STK24: variants seen among roughly 807,000 people sequenced by gnomAD.
STK24 encodes serine/threonine kinase 24.
A neutral mutation model predicts 55.6 loss-of-function variants in STK24; 21 were observed. The observed-to-expected ratio is 0.38, with a 90% confidence interval of 0.27 to 0.54. The LOEUF is 0.54. Ranked by LOEUF, STK24 falls within the 20% of genes least tolerant of loss-of-function variation. The pLI is 0.79. For missense variants in STK24, 383 were observed against 538.4 expected, an observed-to-expected ratio of 0.71 and a Z score of 2.86; for synonymous variants, 200 against 215.2, an observed-to-expected ratio of 0.93 and a Z score of 0.62.
In STK24 at chr13:98,476,918, G is replaced by A. The variant is rs76520591; in HGVS notation, c.331-1560C>T. On this transcript the variant is annotated intron_variant, in intron 3 of 10. Transcript: ENST00000539966. Reference sequence around the variant, plus strand: ...AGCCACCCCTGGCCTTCTCCACCCAGGACCCAGGTGCAGAGAATGCACTTG... The same window carrying A: ...AGCCACCCCTGGCCTTCTCCACCCAAGACCCAGGTGCAGAGAATGCACTTG... Among the ~76,000 whole-genome samples the A allele has an allele frequency of 9.6e-3, 1,456 of 152,342 alleles. 6 individuals are homozygous for A. Among genetic ancestry groups the A allele is most frequent in the Non-Finnish European group, 0.014 (947 of 68,030 alleles).
intron 1 of STK24, among the ~76,000 whole-genome samples, chr13:98,553,942 A>G (rs1300126994): frequency 6.6e-6 from 1 of 152,000 alleles, no homozygotes; most frequent in Non-Finnish European, 1.5e-5. Context: ...GGTGCCTGTT[A>G]TCTCAGCTAC....
chr13:98,477,460 G>T (rs1894420333), intron 3 of STK24, among the ~76,000 whole-genome samples: 1 of 152,114 alleles, frequency 6.6e-6, no homozygotes, highest in African/African-American at 2.4e-5. Flanking sequence ...TCACCTTGAG[G>T]TCGGGAGTTC....
chr13:98,505,144 C>G (rs10508036), intron 2 of STK24: 27,671 of 152,248 alleles, frequency 0.18, 2,984 homozygotes, highest in Non-Finnish European at 0.24. Context: ...TGAACGGGAT[C>G]TCAACTTTCA....
intron 7 of STK24, among the ~76,000 whole-genome samples, chr13:98,462,485 C>T (rs187820482): frequency 6.6e-6 from 1 of 152,246 alleles, no homozygotes; most frequent in East Asian, 1.9e-4. Context: ...CCAGGCCCTG[C>T]TGATCATCCC....
At position 98,466,444 on chromosome 13, in the gene STK24, A is replaced by G. The variant is rs1893929308; in HGVS notation, c.715T>C (p.Leu239=). Reference sequence around the variant, plus strand: ...AGGGGTTTACTGTAGTTTCCTTCCAACGTCGGTGGGTTGTTCTTTGGAATG... The same window carrying G: ...AGGGGTTTACTGTAGTTTCCTTCCAGCGTCGGTGGGTTGTTCTTTGGAATG... ...FLIPKNNPPT[L]EGNYSKPLKE... Residue 239 remains leucine (L), a synonymous_variant, in exon 6 of 11, where the codon TTG becomes CTG. Coordinates refer to ENST00000539966, the MANE Select transcript of STK24 (RefSeq NM_001032296.4). The G allele has an allele frequency of 2.5e-6, 4 of 1,613,850 alleles. No homozygotes were observed. Among genetic ancestry groups the G allele is most frequent in the South Asian group, 1.1e-5 (1 of 91,068 alleles).
At chr13:98,499,925 G>A (rs1895386695) in intron 2 of STK24, among the ~76,000 whole-genome samples, 1 of 152,232 alleles carries the variant, frequency 6.6e-6, no homozygotes, top group African/African-American at 2.4e-5. Context: ...ATAACACAGT[G>A]TTAATCAGAA....
At chr13:98,569,877 ATT>A (rs755042140) in intron 1 of STK24, among the ~76,000 whole-genome samples, 9 of 138,044 alleles carry the variant, frequency 6.5e-5, no homozygotes, top group Non-Finnish European at 9.4e-5. Context: ...ACAGGCAGAA[ATT>A]TTTTTTTTTT....
At chr13:98,482,238 G>T in intron 3 of STK24, 27 bp downstream of exon 3, 2 of 1,345,886 alleles carry the variant, frequency 1.5e-6, no homozygotes, top group Non-Finnish European at 2.0e-6. Flanking sequence ...GCTTTGATAC[G>T]TATTCTGCAT....
At chr13:98,564,954 C>T (rs1285799226) in intron 1 of STK24, among the ~76,000 whole-genome samples, 2 of 152,276 alleles carry the variant, frequency 1.3e-5, no homozygotes, top group Non-Finnish European at 2.9e-5. Context: ...TAAATACATG[C>T]TAAAATCGCA....
At chr13:98,512,589 TA>T (rs1248688301) in intron 2 of STK24, among the ~76,000 whole-genome samples, 71 of 129,520 alleles carry the variant, frequency 5.5e-4, no homozygotes, top group East Asian at 1.6e-3. Context: ...TTTTTTTTTT[TA>T]AAAAGGGAAA....
chr13:98,532,581 G>A (rs571023553), intron 1 of STK24, among the ~76,000 whole-genome samples: 6 of 152,216 alleles, frequency 3.9e-5, no homozygotes, highest in Non-Finnish European at 8.8e-5. Flanking sequence ...TTCGTGTACG[G>A]TGAACTAGTT....
intron 1 of STK24, among the ~76,000 whole-genome samples, chr13:98,535,268 C>A (rs575531033): frequency 4.6e-5 from 7 of 151,100 alleles, no homozygotes; most frequent in African/African-American, 1.7e-4. Context: ...ATCTGGGAGA[C>A]GGAGGCTGCA....
chr13:98,476,961 G>A (rs937207053), intron 3 of STK24, among the ~76,000 whole-genome samples: 1 of 152,142 alleles, frequency 6.6e-6, no homozygotes, highest in African/African-American at 2.4e-5. Context: ...TAGTTTGACC[G>A]CACACATATG....
In STK24 at chr13:98,452,435, T is replaced by C. The variant is rs6956; in HGVS notation, c.*738A>G. On this transcript the variant is annotated 3_prime_UTR_variant, in exon 11 of 11. Transcript: ENST00000539966. ...ATCGATGAAAAAGGAAATCAACCTC[T>C]AGGTGTACCAAAAGGGGCGTAGGGC... 0.23 allele frequency: 34,416 copies of C among 152,488 alleles called. 4,037 individuals are homozygous for C. The highest frequency in any genetic ancestry group is 0.28 in the Middle Eastern group (81 of 294). The allele number at this position is 152,488 out of a possible 1,614,324, so 9.4% of individuals were successfully genotyped here.
At chr13:98,547,201 C>T (rs527557439) in intron 1 of STK24, among the ~76,000 whole-genome samples, 5 of 152,156 alleles carry the variant, frequency 3.3e-5, no homozygotes, top group Non-Finnish European at 7.3e-5. Context: ...CGTGAGCCAC[C>T]GCGCCCAGCT....
intron 2 of STK24, among the ~76,000 whole-genome samples, chr13:98,505,482 G>C (rs1373948787): frequency 6.6e-6 from 1 of 152,180 alleles, no homozygotes; most frequent in East Asian, 1.9e-4. Flanking sequence ...TGTAAGCCCT[G>C]GTCTATAATC....
At chr13:98,485,935 C>T (rs1894788193) in intron 2 of STK24, among the ~76,000 whole-genome samples, 1 of 152,156 alleles carries the variant, frequency 6.6e-6, no homozygotes, top group Non-Finnish European at 1.5e-5. Context: ...TAACACCCAA[C>T]GCCAGCCACT....
intron 1 of STK24, among the ~76,000 whole-genome samples, chr13:98,539,912 C>T (rs942647689): frequency 6.6e-6 from 1 of 152,216 alleles, no homozygotes; most frequent in Non-Finnish European, 1.5e-5. Context: ...GACACACACA[C>T]AGATGTTCAC....
At chr13:98,513,093 C>T (rs1482359680) in intron 2 of STK24, among the ~76,000 whole-genome samples, 2 of 152,180 alleles carry the variant, frequency 1.3e-5, no homozygotes, top group Non-Finnish European at 2.9e-5. Flanking sequence ...GCTGTGTGAG[C>T]ATTCACAGCC....
Sources: gnomAD v4.1 joint callset for allele counts (sites outside exome capture counted in the v4.1 genomes callset) on GRCh38, gnomAD v4.1.1 for gene constraint, MANE v1.5 for transcripts, NCBI Gene and HGNC (gene_info 2026-07-23, HGNC 2026-07-21) for gene names.